The following CTSA variants were observed in gnomAD, a reference collection of about 807,000 sequenced individuals.
CTSA encodes cathepsin A.
A neutral mutation model predicts 66.7 loss-of-function variants in CTSA; 42 were observed. The observed-to-expected ratio is 0.63, with a 90% confidence interval of 0.49 to 0.81. The LOEUF (loss-of-function observed/expected upper bound fraction) is 0.81, where lower values mean the gene tolerates loss of function less well. Among genes scored for constraint, CTSA ranks in the 40% least tolerant of loss-of-function variants. The pLI is 0.00. For missense variants in CTSA, 525 were observed against 610.9 expected, an observed-to-expected ratio of 0.86 and a Z score of 1.48; for synonymous variants, 225 against 248.6, an observed-to-expected ratio of 0.91 and a Z score of 0.89.
In CTSA at chr20:45,898,525, C is replaced by T. The variant is rs1269152292; in HGVS notation, c.*75C>T. 1 of 1,419,878 alleles carries T rather than the reference C, an allele frequency of 7.0e-7. No individual in the cohort carries two copies. The allele number at this position is 1,419,878 out of a possible 1,614,324, so 88.0% of individuals were successfully genotyped here. On this transcript the variant is annotated 3_prime_UTR_variant, in exon 15 of 15. Coordinates refer to ENST00000646241, the MANE Select transcript of CTSA (RefSeq NM_000308.4). The surrounding 1 kb of genome is among the most constrained non-coding windows in gnomAD (Gnocchi z 4.6). Reference sequence around the variant, plus strand: ...CCCGCTAGGAGAGTCCTCTTCTAAGCAAAGTGCCCCTGCAGGCCGGGTTCT... The same window carrying T: ...CCCGCTAGGAGAGTCCTCTTCTAAGTAAAGTGCCCCTGCAGGCCGGGTTCT...
At chr20:45,895,804 CA>C (rs2083099002) in intron 11 of CTSA, among the ~76,000 whole-genome samples, 1 of 152,128 alleles carries the variant, frequency 6.6e-6, no homozygotes, top group Admixed American at 6.5e-5. Context: ...AGGTTGGTCT[CA>C]AACTCTTGGT....
chr20:45,896,169 T>C (rs1190196012), intron 11 of CTSA, among the ~76,000 whole-genome samples: 2 of 151,970 alleles, frequency 1.3e-5, no homozygotes, highest in Non-Finnish European at 2.9e-5. Flanking sequence ...CACTCCAGCC[T>C]GGGCAACAAA....
chr20:45,894,132 A>G, intron 8 of CTSA, 60 bp downstream of exon 8: 2 of 1,192,294 alleles, frequency 1.7e-6, no homozygotes, highest in Non-Finnish European at 2.5e-6. Context: ...GAACAGGACC[A>G]CATTCCCTCC....
rs373901594 is a variant in CTSA, at chr20:45,894,108, A to G, written c.777+36A>G. ...GCCATCACTTTGCATGAGCTCTCCC[A>G]TCCCTAATCCTGAGAACAGGACCAC... On this transcript the variant is annotated intron_variant, in intron 8 of 14. Coordinates refer to ENST00000646241, the MANE Select transcript of CTSA (RefSeq NM_000308.4). The G allele has an allele frequency of 3.9e-5, 54 of 1,390,440 alleles. No individual in the cohort carries two copies. The African/African-American group carries it at 5.3e-4, about 14-fold the overall frequency. The allele number at this position is 1,390,440 out of a possible 1,614,324, so 86.1% of individuals were successfully genotyped here. A position where few individuals can be genotyped will look rare whatever the true frequency, so the allele number is the denominator to read the frequency against.
chr20:45,893,958 T>A, intron 7 of CTSA, 30 bp from the exon 8 acceptor site: 7 of 1,439,174 alleles, frequency 4.9e-6, no homozygotes, highest in Non-Finnish European at 6.9e-6. Context: ...CACCAGCAGC[T>A]GATGCGCTTT....
In CTSA at chr20:45,891,346, G is replaced by A; in HGVS notation, c.-34G>A. The A allele has an allele frequency of 2.5e-6, 4 of 1,571,052 alleles. No individual in the cohort carries two copies. The highest frequency in any genetic ancestry group is 2.3e-5 in the East Asian group (1 of 42,790). On this transcript the variant is annotated 5_prime_UTR_variant, in exon 1 of 15. Coordinates refer to ENST00000646241, the MANE Select transcript of CTSA (RefSeq NM_000308.4). This position sits in a 1 kb window ranked among gnomAD's most constrained non-coding sequence, Gnocchi z 4.6. ...TACACATGACTTCCAGTCCCCGGGC[G>A]CCTCCTGGAGAGCAAGGACGCGGGG...
Position 45,891,825 on chromosome 20 carries a change from A to G in CTSA, c.194+63A>G. On this transcript the variant is annotated intron_variant, in intron 2 of 14. Coordinates refer to ENST00000646241, the MANE Select transcript of CTSA (RefSeq NM_000308.4). This position sits in a 1 kb window ranked among gnomAD's most constrained non-coding sequence, Gnocchi z 4.6. ...AGATGACGGATGAGGGATGGGGGGT[A>G]GTTCTGCAGACCCCTGAGGATGCCT... 1 of 1,610,004 alleles carries G rather than the reference A, an allele frequency of 6.2e-7. No homozygotes were observed. Among genetic ancestry groups the G allele is most frequent in the Non-Finnish European group, 8.5e-7 (1 of 1,176,346 alleles).
At chr20:45,896,824 G>GGC in intron 11 of CTSA, 141 bp from the exon 12 acceptor site, 1 of 698,724 alleles carries the variant, frequency 1.4e-6, no homozygotes, top group Non-Finnish European at 2.5e-6. Flanking sequence ...CTAGAGAGGT[G>GGC]GCCCCCCCCC....
Position 45,898,200 on chromosome 20 carries a change from G to A in CTSA, c.1359+91G>A. Reference sequence around the variant, plus strand: ...TCCCTCTGGCTGCCTTTTAGGCTGGGTCATGGGTCACCATCTGGCCCCTGT... The same window carrying A: ...TCCCTCTGGCTGCCTTTTAGGCTGGATCATGGGTCACCATCTGGCCCCTGT... On this transcript the variant is annotated intron_variant, in intron 14 of 14. Coordinates refer to ENST00000646241, the MANE Select transcript of CTSA (RefSeq NM_000308.4). The surrounding 1 kb of genome is among the most constrained non-coding windows in gnomAD (Gnocchi z 4.6). 1 of 1,443,162 alleles carries A rather than the reference G, an allele frequency of 6.9e-7. No individual in the cohort carries two copies. Among genetic ancestry groups the A allele is most frequent in the South Asian group, 1.2e-5 (1 of 85,288 alleles). The allele number at this position is 1,443,162 out of a possible 1,614,324, so 89.4% of individuals were successfully genotyped here.
intron 6 of CTSA, 69 bp from the exon 7 acceptor site, chr20:45,893,151 G>C: frequency 7.3e-7 from 1 of 1,362,780 alleles, no homozygotes; most frequent in Non-Finnish European, 1.1e-6. Context: ...TGAAGGTCTG[G>C]GTGGTAGGGT....
chr20:45,894,486 C>T (rs762209385), intron 8 of CTSA, among the ~76,000 whole-genome samples, 164 bp from the exon 9 acceptor site: 1 of 152,176 alleles, frequency 6.6e-6, no homozygotes, highest in Non-Finnish European at 1.5e-5. Flanking sequence ...AGGATTTGGA[C>T]CCAGGTCTGG....
Position 45,892,111 on chromosome 20 carries a change from A to T in CTSA, c.306+84A>T, listed in dbSNP as rs1986989138. 5.4e-6 allele frequency: 8 copies of T among 1,482,716 alleles called. No individual in the cohort carries two copies. In the Admixed American group the frequency reaches 1.4e-4, roughly 25 times the overall value. The allele number at this position is 1,482,716 out of a possible 1,614,324, so 91.8% of individuals were successfully genotyped here. A position where few individuals can be genotyped will look rare whatever the true frequency, so the allele number is the denominator to read the frequency against. On this transcript the variant is annotated intron_variant, in intron 3 of 14. Coordinates refer to ENST00000646241, the MANE Select transcript of CTSA (RefSeq NM_000308.4). The stretch of plus-strand genomic sequence containing the variant: ...AGAGGGGCTTTGTGATTTTCCAAAA[A>T]GTTTCCTTCCTTCTAAGCCTCGGGA...
Position 45,891,618 on chromosome 20 carries a change from TGC to T in CTSA, c.51_52del (p.Leu18AlafsTer121), listed in dbSNP as rs576896599. ...CTGTTCCTGCTGCTGCTGCTGCTGC[TGC>T]TGCTAGTGTCCTGGGCGTCCCGAGG... On this transcript the variant is annotated frameshift_variant, in exon 2 of 15. Transcript: ENST00000646241. LOFTEE classifies it high-confidence loss of function. This position sits in a 1 kb window ranked among gnomAD's most constrained non-coding sequence, Gnocchi z 4.6. The T allele has an allele frequency of 1.7e-4, 270 of 1,611,108 alleles. 1 individual carries two copies. The African/African-American group carries it at 3.1e-3, about 18-fold the overall frequency.
rs910315105 is a variant in CTSA, at chr20:45,898,221, C to T, written c.1359+112C>T. ...CTGGGTCATGGGTCACCATCTGGCCCCTGTATGGGCAAGTTTTTTTGGAGA... is the reference window on the plus strand; with the variant it reads ...CTGGGTCATGGGTCACCATCTGGCCTCTGTATGGGCAAGTTTTTTTGGAGA... On this transcript the variant is annotated intron_variant, in intron 14 of 14. Coordinates refer to ENST00000646241, the MANE Select transcript of CTSA (RefSeq NM_000308.4). The surrounding 1 kb of genome is among the most constrained non-coding windows in gnomAD (Gnocchi z 4.6). 5.1e-6 allele frequency: 7 copies of T among 1,368,830 alleles called. No individual in the cohort carries two copies. The highest frequency in any genetic ancestry group is 7.2e-6 in the Non-Finnish European group (7 of 975,008). 84.8% of individuals were successfully genotyped at this position (1,368,830 alleles called of 1,614,324 possible).
At position 45,897,484 on chromosome 20, in the gene CTSA, G is replaced by A. The variant is rs11569663; in HGVS notation, c.1165-233G>A. 7.0e-3 allele frequency: 3,769 copies of A among 534,728 alleles called. 127 individuals are homozygous for A. The highest frequency in any genetic ancestry group is 0.066 in the African/African-American group (3,454 of 52,594). The allele number at this position is 534,728 out of a possible 1,614,324, so 33.1% of individuals were successfully genotyped here. ...AATCTTGGGCAAATTTCTTAAATAT[G>A]AGCCTCAGGTTCTCCATCTGTAAAA... On this transcript the variant is annotated intron_variant, in intron 12 of 14. Transcript: ENST00000646241.
rs147472210 is a variant in CTSA, at chr20:45,898,424, C to A, written c.1417C>A (p.Arg473Ser). The A allele has an allele frequency of 6.2e-7, 1 of 1,614,008 alleles. No individual in the cohort carries two copies. Among genetic ancestry groups the A allele is most frequent in the Non-Finnish European group, 8.5e-7 (1 of 1,179,978 alleles). The change falls in exon 15 of 15, where the codon CGC (arginine) becomes AGC (serine). Residue 473 changes from arginine to serine, a missense_variant. Physicochemically the swap from Arg to Ser is moderately radical, Grantham distance 110. This residue lies in a region of CTSA where 274 missense variants were observed against 321.1 expected (regional missense o/e 0.85). Transcript: ENST00000646241. This position sits in a 1 kb window ranked among gnomAD's most constrained non-coding sequence, Gnocchi z 4.6. The stretch of plus-strand genomic sequence containing the variant: ...CCTCGCTGCCTTCACCATGTTCTCC[C>A]GCTTCCTGAACAAGCAGCCATACTG... The part of the protein sequence containing the change: ...KPLAAFTMFS[R>S]FLNKQPY
Position 45,897,817 on chromosome 20 carries a change from G to C in CTSA, c.1254+11G>C, listed in dbSNP as rs575443534. ...TCCCTCAACCAGAAGGTAAGGTAGA[G>C]ATTCCTGGCCCTGGGATAGGGGCTG... On this transcript the variant is annotated intron_variant, in intron 13 of 14. Transcript: ENST00000646241. 5.6e-6 allele frequency: 9 copies of C among 1,597,672 alleles called. No homozygotes were observed. In the Admixed American group the frequency reaches 8.3e-5, roughly 15 times the overall value.
Position 45,891,881 on chromosome 20 carries a change from C to CA in CTSA, c.195-33dup. On this transcript the variant is annotated intron_variant, in intron 2 of 14. Transcript: ENST00000646241. This position sits in a 1 kb window ranked among gnomAD's most constrained non-coding sequence, Gnocchi z 4.6. ...CCGGGAGGGCTGGAAAGGGCCCCTC[C>CA]AACTGCGCCAACCCTGCCCTGACCC... is the stretch of plus-strand genomic sequence containing the variant. The CA allele has an allele frequency of 6.2e-7, 1 of 1,608,202 alleles. No individual in the cohort carries two copies. Among genetic ancestry groups the CA allele is most frequent in the Non-Finnish European group, 8.5e-7 (1 of 1,174,610 alleles).
In CTSA at chr20:45,891,694, C is replaced by G; in HGVS notation, c.126C>G (p.Ala42=). Residue 42 remains alanine (A), a synonymous_variant, in exon 2 of 15, where the codon GCC becomes GCG. Transcript: ENST00000646241. This position sits in a 1 kb window ranked among gnomAD's most constrained non-coding sequence, Gnocchi z 4.6. ...QDEIQRLPGL[A]KQPSFRQYSG... ...AGATCCAGCGCCTCCCCGGGCTGGC[C>G]AAGCAGCCGTCTTTCCGCCAGTACT... is the stretch of plus-strand genomic sequence containing the variant. 1.2e-6 allele frequency: 2 copies of G among 1,613,304 alleles called. No homozygotes were observed. Among genetic ancestry groups the G allele is most frequent in the Non-Finnish European group, 1.7e-6 (2 of 1,180,036 alleles).
Sources: gnomAD v4.1 joint callset for allele counts (sites outside exome capture counted in the v4.1 genomes callset) on GRCh38, gnomAD v4.1.1 for gene constraint, gnomAD v4.1.1 regional missense constraint, Gnocchi (gnomAD v3.1) non-coding constraint, MANE v1.5 for transcripts, NCBI Gene and HGNC (gene_info 2026-07-23, HGNC 2026-07-21) for gene names.